ZFHX3: variants seen among roughly 807,000 people sequenced by gnomAD.
The protein encoded by ZFHX3 is zinc finger homeobox protein 3.
A neutral mutation model predicts 279.1 loss-of-function variants in ZFHX3; 42 were observed. The observed-to-expected ratio is 0.15, with a 90% CI of 0.12 to 0.19. The LOEUF (loss-of-function observed/expected upper bound fraction) is 0.19. ZFHX3 is among the 10% of genes least tolerant of loss of function. The pLI, the probability that ZFHX3 is intolerant of heterozygous loss-of-function variation, is 1.00. For synonymous variants in ZFHX3, 2,293 were observed against 1,957.8 expected, an observed-to-expected ratio of 1.17 and a Z score of -4.52; for missense variants, 4,981 against 4,754.0, an observed-to-expected ratio of 1.05 and a Z score of -1.40.
chr16:73,006,387 C>G (rs1319542549), intron 1 of ZFHX3, among the ~76,000 whole-genome samples: 1 of 152,052 alleles, frequency 6.6e-6, no homozygotes, highest in South Asian at 2.1e-4. Context: ...TTTTGGGAGG[C>G]CAACGCAGGA....
intron 5 of ZFHX3, among the ~76,000 whole-genome samples, chr16:73,177,192 AACC>A: frequency 6.6e-6 from 1 of 152,176 alleles, no homozygotes; most frequent in African/African-American, 2.4e-5. Context: ...CCAACCAACC[AACC>A]AAATACCCAA....
chr16:73,693,309 A>T (rs1425792584), intron 1 of ZFHX3, among the ~76,000 whole-genome samples: 1 of 151,958 alleles, frequency 6.6e-6, no homozygotes, highest in Non-Finnish European at 1.5e-5. Context: ...GCATCTGGGG[A>T]ATCTGTTTTA....
At chr16:73,753,299 A>G (rs1025905265) in intron 1 of ZFHX3, among the ~76,000 whole-genome samples, 1 of 152,134 alleles carries the variant, frequency 6.6e-6, no homozygotes. Context: ...GGAAACCAGC[A>G]AAGGGTGACC....
At chr16:73,444,688 G>C (rs1030842093) in intron 3 of ZFHX3, among the ~76,000 whole-genome samples, 1 of 152,312 alleles carries the variant, frequency 6.6e-6, no homozygotes, top group East Asian at 1.9e-4. Context: ...TCTCTTTGGT[G>C]CATGTCAGAT....
At chr16:73,598,286 G>A (rs2052073038) in intron 2 of ZFHX3, among the ~76,000 whole-genome samples, 1 of 152,044 alleles carries the variant, frequency 6.6e-6, no homozygotes, top group Admixed American at 6.5e-5. Flanking sequence ...CCTTCTCCAG[G>A]ACAAATTCTT....
Position 72,917,946 on chromosome 16 carries a change from A to G in ZFHX3, c.3217-27984T>C, listed in dbSNP as rs572937474. On this transcript the variant is annotated intron_variant, in intron 3 of 9. Coordinates refer to ENST00000268489, the MANE Select transcript of ZFHX3 (RefSeq NM_006885.4). ...ACTTGAGAGGGCAGCCAGCTAGCCC[A>G]CTGAGTCAATGGAATAAACACGATG... 1.3e-3 allele frequency among the ~76,000 whole-genome samples: 193 copies of G among 152,362 alleles called. 2 individuals carry two copies. The Middle Eastern group carries it at 0.02, about 16-fold the overall frequency.
At chr16:73,214,965 G>C (rs897375175) in intron 5 of ZFHX3, among the ~76,000 whole-genome samples, 1 of 146,388 alleles carries the variant, frequency 6.8e-6, no homozygotes, top group South Asian at 2.2e-4. Context: ...AGGCCACAAG[G>C]CTTAGCCAAA....
At chr16:73,191,830 C>A (rs1968043009) in intron 5 of ZFHX3, among the ~76,000 whole-genome samples, 1 of 152,194 alleles carries the variant, frequency 6.6e-6, no homozygotes, top group South Asian at 2.1e-4. Flanking sequence ...AGGAGAAAAG[C>A]TGGCCTCTCT....
At chr16:73,864,838 C>T (rs551758030) in intron 1 of ZFHX3, among the ~76,000 whole-genome samples, 9 of 152,326 alleles carry the variant, frequency 5.9e-5, no homozygotes, top group African/African-American at 2.2e-4. Context: ...GTGTCATAAA[C>T]TGGAAATGGC....
intron 2 of ZFHX3, among the ~76,000 whole-genome samples, chr16:73,526,275 C>T (rs756882604): frequency 6.6e-6 from 1 of 152,218 alleles, no homozygotes; most frequent in Non-Finnish European, 1.5e-5. Context: ...CTAGAAGGGT[C>T]GCTTGATTAA....
intron 4 of ZFHX3, among the ~76,000 whole-genome samples, chr16:73,300,336 A>G (rs2015024134): frequency 6.6e-6 from 1 of 151,788 alleles, no homozygotes; most frequent in Non-Finnish European, 1.5e-5. Flanking sequence ...TGAGGCCATT[A>G]TAAGGATGAG....
intron 5 of ZFHX3, among the ~76,000 whole-genome samples, chr16:73,234,779 T>C (rs1364595662): frequency 1.3e-5 from 2 of 152,208 alleles, no homozygotes; most frequent in Admixed American, 6.5e-5. Context: ...GTTATCAAAG[T>C]TTCTTGACCT....
chr16:73,803,771 G>A (rs773880529), intron 1 of ZFHX3, among the ~76,000 whole-genome samples: 1 of 152,190 alleles, frequency 6.6e-6, no homozygotes, highest in Non-Finnish European at 1.5e-5. Flanking sequence ...AGAGTAATAT[G>A]TGTAATGTCA....
intron 2 of ZFHX3, among the ~76,000 whole-genome samples, chr16:73,619,500 T>TTATATA (rs1555528593): frequency 3.0e-5 from 4 of 131,748 alleles, no homozygotes; most frequent in African/African-American, 1.2e-4. Flanking sequence ...AAAAAAAAAA[T>TTATATA]TATATATATA....
chr16:72,943,682 G>T (rs897865636), intron 3 of ZFHX3, among the ~76,000 whole-genome samples: 2 of 152,190 alleles, frequency 1.3e-5, no homozygotes, highest in Non-Finnish European at 2.9e-5. Context: ...TCACTGTGTG[G>T]GAGTCTGGCC....
At chr16:73,677,123 T>G (rs1439758044) in intron 2 of ZFHX3, among the ~76,000 whole-genome samples, 2 of 151,974 alleles carry the variant, frequency 1.3e-5, no homozygotes, top group Non-Finnish European at 2.9e-5. Flanking sequence ...TGGATTCTTT[T>G]CCAAAGATGT....
chr16:73,172,936 T>TG (rs1375080384), intron 5 of ZFHX3, among the ~76,000 whole-genome samples: 1 of 149,210 alleles, frequency 6.7e-6, no homozygotes, highest in African/African-American at 2.5e-5. Context: ...CTGTGGTTTT[T>TG]TTTTTTTTTT....
intron 1 of ZFHX3, among the ~76,000 whole-genome samples, chr16:73,684,694 C>A (rs1214273695): frequency 1.6e-5 from 1 of 61,898 alleles, no homozygotes; most frequent in Non-Finnish European, 3.7e-5. Context: ...TCACAAGGGT[C>A]CTTTTTTTTT....
chr16:73,043,336 C>G (rs915159158), intron 1 of ZFHX3, among the ~76,000 whole-genome samples: 19 of 152,120 alleles, frequency 1.2e-4, no homozygotes, highest in African/African-American at 4.6e-4. Flanking sequence ...CAGATGAAGC[C>G]CAGGCATTTT....
Sources: allele counts gnomAD v4.1 joint callset (sites outside exome capture counted in the v4.1 genomes callset), GRCh38; gene constraint gnomAD v4.1.1; transcripts MANE v1.5; gene names NCBI Gene and HGNC (gene_info 2026-07-23, HGNC 2026-07-21).